The following RSPH9 variants were observed in gnomAD, a reference collection of about 807,000 sequenced individuals.
RSPH9 encodes radial spoke head component 9, also known as radial spoke head protein 9 homolog.
A neutral mutation model predicts 27.0 loss-of-function variants in RSPH9; 27 were observed. The observed-to-expected ratio is 1.00, with a 90% confidence interval of 0.74 to 1.38. The LOEUF is 1.38. Among genes scored for constraint, RSPH9 ranks in the 40% most tolerant of loss-of-function variants. The probability of loss-of-function intolerance (pLI) is 0.00; values close to 1 mark genes in which losing one functional copy is unlikely to be tolerated. For missense variants in RSPH9, 347 were observed against 357.4 expected, an observed-to-expected ratio of 0.97 and a Z score of 0.24; for synonymous variants, 145 against 147.7, an observed-to-expected ratio of 0.98 and a Z score of 0.13.
rs1773687615 is a variant in RSPH9, at chr6:43,671,378, T to TCA, written c.*430_*431dup. On this transcript the variant is annotated 3_prime_UTR_variant, in exon 5 of 5. Transcript: ENST00000372163. ...GGCCCCATCACAAGAGATCAGTGAC[T>TCA]CAATGCTCAGCACCCAGCTGGCAAT... 1 of 398,146 alleles carries TCA rather than the reference T, an allele frequency of 2.5e-6. No homozygotes were observed. The highest frequency in any genetic ancestry group is 4.6e-6 in the Non-Finnish European group (1 of 216,034). 24.7% of individuals were successfully genotyped at this position (398,146 alleles called of 1,614,324 possible). A position where few individuals can be genotyped will look rare whatever the true frequency, so the allele number is the denominator to read the frequency against.
chr6:43,666,348 G>T, intron 4 of RSPH9: 1 of 1,185,606 alleles, frequency 8.4e-7, no homozygotes, highest in Non-Finnish European at 1.2e-6. Context: ...AGAGTTCCCT[G>T]GGACACCAGG....
At position 43,671,964 on chromosome 6, in the gene RSPH9, G is replaced by A. The variant is rs961630975; in HGVS notation, c.*1015G>A. 8 of 1,509,060 alleles carry A rather than the reference G, an allele frequency of 5.3e-6. No individual in the cohort carries two copies. The highest frequency in any genetic ancestry group is 2.8e-5 in the African/African-American group (2 of 72,328). The allele number at this position is 1,509,060 out of a possible 1,614,324, so 93.5% of individuals were successfully genotyped here. On this transcript the variant is annotated 3_prime_UTR_variant, in exon 5 of 5. Transcript: ENST00000372163. Reference sequence around the variant, plus strand: ...GGCTGGGGGCCCAAGCTGGACGTGGGAGAGTGGAGCACTACCTCCTCAGGC... The same window carrying A: ...GGCTGGGGGCCCAAGCTGGACGTGGAAGAGTGGAGCACTACCTCCTCAGGC...
intron 3 of RSPH9, 82 bp downstream of exon 3, chr6:43,655,773 G>A (rs1298455851): frequency 1.3e-6 from 2 of 1,509,870 alleles, no homozygotes; most frequent in Non-Finnish European, 1.8e-6. Flanking sequence ...AGTCCAGCAG[G>A]GGGGCTTACA....
At chr6:43,656,246 C>T (rs775649466) in intron 3 of RSPH9, among the ~76,000 whole-genome samples, 1 of 152,012 alleles carries the variant, frequency 6.6e-6, no homozygotes, top group African/African-American at 2.4e-5. Context: ...CTACCACGCT[C>T]GGCTAATTTT....
At position 43,645,213 on chromosome 6, in the gene RSPH9, T is replaced by TA. The variant is rs1383041809; in HGVS notation, c.116dup (p.Tyr39Ter). 6.2e-7 allele frequency: 1 copy of TA among 1,613,930 alleles called. No homozygotes were observed. Among genetic ancestry groups the TA allele is most frequent in the Non-Finnish European group, 8.5e-7 (1 of 1,180,022 alleles). Residue 39 changes from tyrosine (Y) to a stop codon, truncating the protein, a stop_gained and frameshift_variant, in exon 1 of 5, where the codon TAC (tyrosine) becomes TAAC (stop). Coordinates refer to ENST00000372163, the MANE Select transcript of RSPH9 (RefSeq NM_152732.5). LOFTEE classifies it high-confidence loss of function. ...LTSLMLVKRD[Y>*]RYDRVLFWGR... Reference sequence around the variant, plus strand: ...GTCTCTTATGCTGGTTAAGCGCGACTACCGCTATGATCGGGTTCTCTTCTG... The same window carrying TA: ...GTCTCTTATGCTGGTTAAGCGCGACTAACCGCTATGATCGGGTTCTCTTCTG...
rs188938328 is a variant in RSPH9 at position 43,663,659 on chromosome 6, C to T, written c.670+6936C>T. On this transcript the variant is annotated intron_variant, in intron 4 of 4. Transcript: ENST00000372163. The stretch of plus-strand genomic sequence containing the variant: ...TTTGCCATCTTAAATGGATGTAGTT[C>T]GTGGTGCCCCAAAACAATATCATAG... Among the ~76,000 whole-genome samples the T allele has an allele frequency of 7.3e-3, 1,107 of 152,150 alleles. 45 individuals are homozygous for T. Among genetic ancestry groups the T allele is most frequent in the Admixed American group, 0.063 (964 of 15,264 alleles).
At chr6:43,657,537 G>T (rs1772154824) in intron 4 of RSPH9, among the ~76,000 whole-genome samples, 1 of 152,200 alleles carries the variant, frequency 6.6e-6, no homozygotes, top group Admixed American at 6.6e-5. Flanking sequence ...GCATGAACTG[G>T]ATTGTTAAGT....
intron 4 of RSPH9, chr6:43,666,352 C>A: frequency 8.3e-7 from 1 of 1,210,950 alleles, no homozygotes; most frequent in Non-Finnish European, 1.2e-6. Context: ...TTCCCTGGGA[C>A]ACCAGGACTG....
rs199863153 is a variant in RSPH9, at chr6:43,649,198, G to GT, written c.228-1169dup. On this transcript the variant is annotated intron_variant, in intron 1 of 4. Transcript: ENST00000372163. ...TTTGTTTTGTTTTTGTTTTTGTTTTGTTTTTTTTGAGATGGAGTTTCGCTC... is the reference window on the plus strand; with the variant it reads ...TTTGTTTTGTTTTTGTTTTTGTTTTGTTTTTTTTTGAGATGGAGTTTCGCTC... 8.4e-3 allele frequency among the ~76,000 whole-genome samples: 1,266 copies of GT among 151,292 alleles called. 10 individuals carry two copies. Among genetic ancestry groups the GT allele is most frequent in the Non-Finnish European group, 0.014 (955 of 67,720 alleles).
chr6:43,670,676 G>A (rs937271167), intron 4 of RSPH9, 113 bp from the exon 5 acceptor site: 13 of 831,364 alleles, frequency 1.6e-5, no homozygotes, highest in Non-Finnish European at 2.4e-5. Context: ...TCTCTCCCCA[G>A]TGGAACCATA....
intron 4 of RSPH9, among the ~76,000 whole-genome samples, chr6:43,660,883 G>T (rs1001373175): frequency 2.2e-5 from 3 of 134,672 alleles, no homozygotes; most frequent in African/African-American, 1.1e-4. Context: ...TTTATGAAAT[G>T]TCTTTTAAAA....
At chr6:43,666,279 C>G in intron 4 of RSPH9, 2 of 650,510 alleles carry the variant, frequency 3.1e-6, no homozygotes, top group Non-Finnish European at 5.6e-6. Context: ...CTTGGAGGCT[C>G]CCCTGCCAGG....
intron 4 of RSPH9, among the ~76,000 whole-genome samples, chr6:43,657,445 T>A (rs974938933): frequency 2.6e-5 from 4 of 152,204 alleles, no homozygotes; most frequent in African/African-American, 9.6e-5. Flanking sequence ...TTTATCCCCA[T>A]TTTACAGATG....
intron 4 of RSPH9, among the ~76,000 whole-genome samples, chr6:43,662,068 C>T (rs1345569292): frequency 3.3e-5 from 5 of 152,092 alleles, no homozygotes; most frequent in Non-Finnish European, 7.4e-5. Context: ...CTTGTAGACA[C>T]AGGGTCTCCC....
intron 4 of RSPH9, chr6:43,666,470 G>A: frequency 6.4e-7 from 1 of 1,550,590 alleles, no homozygotes; most frequent in Non-Finnish European, 8.7e-7. Context: ...TTCTGAGCAG[G>A]TGTGGTTTTG....
At chr6:43,645,349 TC>T in intron 1 of RSPH9, 24 bp downstream of exon 1, 1 of 471,118 alleles carries the variant, frequency 2.1e-6, no homozygotes. Context: ...CGGGACGGGC[TC>T]CCCAGAGGGT....
intron 4 of RSPH9, among the ~76,000 whole-genome samples, chr6:43,665,466 T>C (rs73428692): frequency 0.23 from 35,760 of 152,172 alleles, 6,905 homozygotes; most frequent in African/African-American, 0.52. Context: ...CACCATTGCA[T>C]TCCAGCCTGG....
At chr6:43,645,444 G>T in intron 1 of RSPH9, 119 bp downstream of exon 1, 18 of 761,088 alleles carry the variant, frequency 2.4e-5, no homozygotes, top group East Asian at 3.8e-5. Context: ...GTGTGGGCGG[G>T]ATCTGAGATG....
intron 3 of RSPH9, 35 bp downstream of exon 3, chr6:43,655,726 G>A (rs371995173): frequency 1.2e-6 from 2 of 1,613,280 alleles, no homozygotes; most frequent in African/African-American, 1.3e-5. Flanking sequence ...AGGGCTGGGG[G>A]TATCTTTTCC....
Sources: gnomAD v4.1 joint callset for allele counts (sites outside exome capture counted in the v4.1 genomes callset) on GRCh38, gnomAD v4.1.1 for gene constraint, MANE v1.5 for transcripts, NCBI Gene and HGNC (gene_info 2026-07-23, HGNC 2026-07-21) for gene names.